ERMP1: variants seen among roughly 807,000 people sequenced by gnomAD.
ERMP1 encodes Felix-ina.
In ERMP1, 86 loss-of-function variants were observed where a neutral mutation model predicts 92.0. The observed-to-expected ratio is 0.93, with a 90% CI of 0.79 to 1.12. The LOEUF (loss-of-function observed/expected upper bound fraction) is 1.12. ERMP1 is among the 50% of genes most tolerant of loss of function. The probability of loss-of-function intolerance (pLI) is 0.00; values close to 1 mark genes in which losing one functional copy is unlikely to be tolerated. For missense variants in ERMP1, 1,342 were observed against 1,116.3 expected (o/e 1.20, Z -2.88); for synonymous variants, 530 against 412.8 (o/e 1.28, Z -3.44).
At chr9:5,858,497 C>G (rs1830412413) in intron 6 of ERMP1, among the ~76,000 whole-genome samples, 1 of 152,218 alleles carries the variant, frequency 6.6e-6, no homozygotes, top group African/African-American at 2.4e-5. Context: ...CCTCCCCAGC[C>G]TCTGTGCTGC....
chr9:5,795,684 G>A (rs867355587), intron 13 of ERMP1, among the ~76,000 whole-genome samples: 19 of 151,918 alleles, frequency 1.3e-4, no homozygotes, highest in Admixed American at 3.3e-4. Flanking sequence ...AGGCTGAGGC[G>A]GGAGAATCAC....
chr9:5,843,869 T>TGG (rs1830200649), intron 6 of ERMP1, among the ~76,000 whole-genome samples: 1 of 152,138 alleles, frequency 6.6e-6, no homozygotes, highest in Non-Finnish European at 1.5e-5. Context: ...AGACCAAGCC[T>TGG]GGGGATATGC....
At chr9:5,853,765 C>G (rs1271260145) in intron 6 of ERMP1, among the ~76,000 whole-genome samples, 1 of 150,366 alleles carries the variant, frequency 6.7e-6, no homozygotes, top group Admixed American at 6.7e-5. Flanking sequence ...GATCCCAGGT[C>G]TTTGCCCACA....
intron 6 of ERMP1, among the ~76,000 whole-genome samples, chr9:5,811,689 A>G (rs191631318): frequency 1.1e-4 from 16 of 152,302 alleles, no homozygotes; most frequent in Admixed American, 5.2e-4. Context: ...TCATTTAATA[A>G]TATATATTAA....
At chr9:5,858,824 T>C (rs1041771504) in intron 6 of ERMP1, among the ~76,000 whole-genome samples, 22 of 152,216 alleles carry the variant, frequency 1.4e-4, no homozygotes, top group Non-Finnish European at 2.9e-4. Context: ...GCTGGAAGGA[T>C]GGATGGATGA....
Position 5,856,003 on chromosome 9 carries a change from A to G in ERMP1, n.3199+3465T>C, listed in dbSNP as rs144220714. On this transcript the variant is annotated intron_variant and non_coding_transcript_variant, in intron 6 of 6. Coordinates refer to the ERMP1 transcript ENST00000690753. ...CTAATGGTTCTCCAGAGATGTCATCAATCCCATGTACACCAGGTGGATTGA... is the reference window on the plus strand; with the variant it reads ...CTAATGGTTCTCCAGAGATGTCATCGATCCCATGTACACCAGGTGGATTGA... 1.3e-3 allele frequency: 414 copies of G among 317,926 alleles called. 9 individuals carry two copies. The East Asian group carries it at 0.033, about 26-fold the overall frequency. The allele number at this position is 317,926 out of a possible 1,614,324, so 19.7% of individuals were successfully genotyped here. A position where few individuals can be genotyped will look rare whatever the true frequency, so the allele number is the denominator to read the frequency against.
intron 4 of ERMP1, among the ~76,000 whole-genome samples, chr9:5,813,623 G>A (rs950653356): frequency 1.3e-5 from 2 of 152,000 alleles, no homozygotes; most frequent in African/African-American, 4.8e-5. Flanking sequence ...TGCTCAAAAA[G>A]TTGTGAATTG....
Position 5,786,417 on chromosome 9 carries a change from T to G in ERMP1, c.*727A>C, listed in dbSNP as rs1247607583. The G allele has an allele frequency of 6.6e-6, 1 of 152,108 alleles. No individual in the cohort carries two copies. The highest frequency in any genetic ancestry group is 6.5e-5 in the Admixed American group (1 of 15,272). The allele number at this position is 152,108 out of a possible 1,614,324, so 9.4% of individuals were successfully genotyped here. On this transcript the variant is annotated 3_prime_UTR_variant, in exon 15 of 15. Coordinates refer to ENST00000339450, the MANE Select transcript of ERMP1 (RefSeq NM_024896.3). ...TGGCCAAATATTCCCCTTTTCAACTTGGTAAGATGGAGAGGGGTAACAGAC... is the reference window on the plus strand; with the variant it reads ...TGGCCAAATATTCCCCTTTTCAACTGGGTAAGATGGAGAGGGGTAACAGAC...
upstream of ERMP1, among the ~76,000 whole-genome samples, chr9:5,836,027 C>T (rs1186562776): frequency 6.6e-6 from 1 of 152,190 alleles, no homozygotes; most frequent in Non-Finnish European, 1.5e-5. Flanking sequence ...GTTGAGTCAA[C>T]TCATCTGACT....
rs925954419 is a variant in ERMP1, at chr9:5,832,955, C to T, written c.73G>A (p.Ala25Thr). ...GCCTCCCTCTCCGGCGGTGGCGCGG[C>T]CGCCGCTCCCTCTCGACGCTCTACT... ...VGVERREGAA[A>T]APPPEREARA... The change falls in exon 1 of 15, where the codon GCC becomes ACC. Residue 25 changes from alanine to threonine, a missense_variant. Transcript: ENST00000339450. The T allele has an allele frequency of 2.6e-6, 4 of 1,564,862 alleles. No homozygotes were observed. The highest frequency in any genetic ancestry group is 2.5e-5 in the East Asian group (1 of 40,410).
At chr9:5,805,348 T>C (rs1006826813) in intron 9 of ERMP1, 131 bp from the exon 10 acceptor site, 3 of 727,780 alleles carry the variant, frequency 4.1e-6, no homozygotes, top group Admixed American at 3.1e-5. Flanking sequence ...TAAGGGTGTA[T>C]GTTATCTTGG....
chr9:5,792,943 T>C (rs1039611684), intron 13 of ERMP1, among the ~76,000 whole-genome samples: 2 of 152,066 alleles, frequency 1.3e-5, no homozygotes, highest in Non-Finnish European at 2.9e-5. Context: ...GAAAGCACAC[T>C]AGAGAGGGAA....
At chr9:5,851,649 G>T (rs762944272) in intron 6 of ERMP1, among the ~76,000 whole-genome samples, 21 of 152,144 alleles carry the variant, frequency 1.4e-4, no homozygotes, top group South Asian at 4.1e-4. Flanking sequence ...AAACCCTTTT[G>T]TTCTTACTCA....
intron 4 of ERMP1, among the ~76,000 whole-genome samples, chr9:5,819,644 G>C (rs186187591): frequency 6.6e-6 from 1 of 151,976 alleles, no homozygotes; most frequent in Non-Finnish European, 1.5e-5. Flanking sequence ...TAGTTTCACA[G>C]TTTACTATGG....
At chr9:5,835,539 G>A (rs1017422788), upstream of ERMP1, among the ~76,000 whole-genome samples, 3 of 152,202 alleles carry the variant, frequency 2.0e-5, no homozygotes, top group African/African-American at 4.8e-5. Flanking sequence ...GGCCACATAA[G>A]CCTGGGGAGA....
At chr9:5,831,176 C>T (rs1829924687) in intron 1 of ERMP1, 148 bp from the exon 2 acceptor site, 1 of 618,184 alleles carries the variant, frequency 1.6e-6, no homozygotes, top group Admixed American at 3.0e-5. Context: ...TTTCAGACAC[C>T]AAGTGAACAT....
intron 13 of ERMP1, among the ~76,000 whole-genome samples, chr9:5,790,262 C>T (rs950154240): frequency 2.0e-5 from 3 of 150,764 alleles, no homozygotes; most frequent in South Asian, 2.1e-4. Context: ...TCACTGCAAC[C>T]TCTGCCTCCC....
chr9:5,799,795 CT>C (rs1828599731), intron 11 of ERMP1, among the ~76,000 whole-genome samples: 1 of 152,124 alleles, frequency 6.6e-6, no homozygotes, highest in Non-Finnish European at 1.5e-5. Flanking sequence ...CAGAAAATGA[CT>C]TTTTAAAAAT....
chr9:5,845,749 C>T (rs751282103), intron 6 of ERMP1, among the ~76,000 whole-genome samples: 2 of 152,202 alleles, frequency 1.3e-5, no homozygotes, highest in Non-Finnish European at 2.9e-5. Flanking sequence ...CAACTCTTGC[C>T]TCAGGAGAGC....
Sources: allele counts gnomAD v4.1 joint callset (sites outside exome capture counted in the v4.1 genomes callset), GRCh38; gene constraint gnomAD v4.1.1; transcripts MANE v1.5; gene names NCBI Gene and HGNC (gene_info 2026-07-23, HGNC 2026-07-21).